Variants in SLC1A7 observed in about 807,000 individuals in gnomAD.
The protein encoded by SLC1A7 is solute carrier family 1 member 7.
SLC1A7 carries 40 observed loss-of-function variants against 47.7 expected under a neutral mutation model. That is an observed-to-expected ratio of 0.84 (90% CI 0.65 to 1.09). The LOEUF (loss-of-function observed/expected upper bound fraction) is 1.09, where lower values mean the gene tolerates loss of function less well. SLC1A7 is among the 50% of genes least tolerant of loss of function. The probability of loss-of-function intolerance (pLI) is 0.00; values close to 1 mark genes in which losing one functional copy is unlikely to be tolerated. For synonymous variants in SLC1A7, 323 were observed against 325.6 expected (o/e 0.99, Z 0.09); for missense variants, 746 against 769.5 (o/e 0.97, Z 0.36).
chr1:53,126,089 A>C (rs1369025466), intron 2 of SLC1A7, among the ~76,000 whole-genome samples: 1 of 152,236 alleles, frequency 6.6e-6, no homozygotes, highest in African/African-American at 2.4e-5. Flanking sequence ...TTTCCCTTCC[A>C]GCCTTGGAGT....
At chr1:53,115,090 C>A in intron 2 of SLC1A7, 117 bp from the exon 3 acceptor site, 1 of 742,574 alleles carries the variant, frequency 1.3e-6, no homozygotes, top group Non-Finnish European at 2.3e-6. Context: ...CCAGGGAACC[C>A]CATTCTTCCA....
intron 9 of SLC1A7, among the ~76,000 whole-genome samples, 180 bp from the exon 10 acceptor site, chr1:53,089,159 C>T (rs772622752): frequency 3.9e-5 from 6 of 152,236 alleles, no homozygotes; most frequent in Non-Finnish European, 7.3e-5. Context: ...AGCTTCTTGG[C>T]ATGCAGCTGT....
At chr1:53,123,681 T>A (rs1369375642) in intron 2 of SLC1A7, among the ~76,000 whole-genome samples, 1 of 152,078 alleles carries the variant, frequency 6.6e-6, no homozygotes, top group Admixed American at 6.5e-5. Context: ...GAAGGCCAAG[T>A]AGGAATTCTC....
At chr1:53,094,283 C>T (rs1644458865) in intron 5 of SLC1A7, among the ~76,000 whole-genome samples, 1 of 152,194 alleles carries the variant, frequency 6.6e-6, no homozygotes, top group Non-Finnish European at 1.5e-5. Context: ...CCTGGCGCCT[C>T]CCCCGGCATT....
At chr1:53,132,898 T>C (rs558844489) in intron 2 of SLC1A7, among the ~76,000 whole-genome samples, 3 of 152,182 alleles carry the variant, frequency 2.0e-5, no homozygotes, top group Non-Finnish European at 2.9e-5. Context: ...AGATGTCAAA[T>C]AGGCAGTTGG....
chr1:53,126,250 T>C (rs543201017), intron 2 of SLC1A7, among the ~76,000 whole-genome samples: 1 of 152,354 alleles, frequency 6.6e-6, no homozygotes, highest in East Asian at 1.9e-4. Context: ...GCACAGCGGC[T>C]GGTGGAGGCA....
chr1:53,122,500 T>C lies in SLC1A7; in HGVS notation c.216-7527A>G, dbSNP rs1324371902. On this transcript the variant is annotated intron_variant, in intron 2 of 10. Coordinates refer to ENST00000371494, the MANE Select transcript of SLC1A7 (RefSeq NM_006671.6). ...ATCATGGCTTACTCTTCTTTTCCCC[T>C]GAGCAGAAGGCAGGCCCAACAGCTG... is the stretch of plus-strand genomic sequence containing the variant. Among the ~76,000 whole-genome samples the C allele has an allele frequency of 2.0e-5, 3 of 152,286 alleles. No individual in the cohort carries two copies. In the East Asian group the frequency reaches 5.8e-4, roughly 29 times the overall value.
intron 2 of SLC1A7, among the ~76,000 whole-genome samples, chr1:53,126,823 G>A (rs1194921297): frequency 6.6e-6 from 1 of 151,776 alleles, no homozygotes; most frequent in Non-Finnish European, 1.5e-5. Context: ...TGAGAGGATG[G>A]TTTCTTCTCT....
At chr1:53,117,928 C>T (rs114552966) in intron 2 of SLC1A7, among the ~76,000 whole-genome samples, 1,959 of 152,346 alleles carry the variant, frequency 0.013, 16 homozygotes, top group Non-Finnish European at 0.021. Context: ...GGACCCAAGT[C>T]GTTCTGTGCT....
chr1:53,092,352 G>C (rs770518170), intron 7 of SLC1A7, among the ~76,000 whole-genome samples: 2 of 152,236 alleles, frequency 1.3e-5, no homozygotes, highest in African/African-American at 2.4e-5. Flanking sequence ...GACTGGGGCC[G>C]TGGGGGAAGG....
intron 4 of SLC1A7, among the ~76,000 whole-genome samples, chr1:53,105,358 C>T (rs1010883067): frequency 2.0e-5 from 3 of 152,138 alleles, no homozygotes; most frequent in African/African-American, 7.2e-5. Context: ...AGTGGTATAA[C>T]CTTGGGCAAA....
Position 53,142,597 on chromosome 1 carries a change from G to A in SLC1A7, c.-148C>T, listed in dbSNP as rs1645069924. The A allele has an allele frequency of 2.4e-5, 19 of 795,004 alleles. No homozygotes were observed. The South Asian group carries it at 3.5e-4, about 15-fold the overall frequency. 49.2% of individuals were successfully genotyped at this position (795,004 alleles called of 1,614,324 possible). On this transcript the variant is annotated 5_prime_UTR_variant, in exon 1 of 11. Transcript: ENST00000371494. ...CACCAGTCGCCAGCCCCACGGCCAT[G>A]CCCGTGTGGCCGCCTTAGAGGGAAG...
chr1:53,114,555 C>T (rs965682387), intron 3 of SLC1A7: 18 of 594,090 alleles, frequency 3.0e-5, no homozygotes, highest in Non-Finnish European at 4.8e-5. Context: ...GGGCAGACCC[C>T]GTCCAGGCTG....
chr1:53,114,974 C>T lies in SLC1A7; in HGVS notation c.216-1G>A. On this transcript the variant is annotated splice_acceptor_variant, in intron 2 of 10. Transcript: ENST00000371494. LOFTEE classifies it high-confidence loss of function. The stretch of plus-strand genomic sequence containing the variant: ...CAGGGAGGCAAGTCCGGACATCAAG[C>T]TGGGAGGGCGAGGGGGTCAGGGGCT... 1 of 1,613,196 alleles carries T rather than the reference C, an allele frequency of 6.2e-7. No homozygotes were observed. The highest frequency in any genetic ancestry group is 2.2e-5 in the East Asian group (1 of 44,852).
chr1:53,088,694 G>A (rs1394294655), intron 10 of SLC1A7, among the ~76,000 whole-genome samples, 183 bp downstream of exon 10: 1 of 152,170 alleles, frequency 6.6e-6, no homozygotes, highest in Non-Finnish European at 1.5e-5. Context: ...AGCCACAGCG[G>A]GTGCTCAATA....
chr1:53,113,938 C>A (rs762215116), intron 3 of SLC1A7, among the ~76,000 whole-genome samples: 1 of 152,162 alleles, frequency 6.6e-6, no homozygotes, highest in Non-Finnish European at 1.5e-5. Context: ...CCCTGCCTCC[C>A]CATCTTCCCC....
chr1:53,116,036 TAAA>T (rs1431624689), intron 2 of SLC1A7: 1 of 152,244 alleles, frequency 6.6e-6, no homozygotes, highest in Non-Finnish European at 1.5e-5. Flanking sequence ...TTCTTTCAGA[TAAA>T]GAAGTATTTG....
intron 1 of SLC1A7, among the ~76,000 whole-genome samples, chr1:53,137,183 A>G (rs1348697315): frequency 2.6e-5 from 4 of 151,794 alleles, no homozygotes; most frequent in South Asian, 2.1e-4. Context: ...GCTACTCAGG[A>G]GGCTGAAGCA....
At chr1:53,120,759 A>G (rs936641) in intron 2 of SLC1A7, among the ~76,000 whole-genome samples, 150,130 of 152,358 alleles carry the variant, frequency 0.99, 74,007 homozygotes, top group Middle Eastern at 1. Context: ...CTGACCCAGC[A>G]CCTGGCACAG....
Sources: gnomAD v4.1 joint callset for allele counts (sites outside exome capture counted in the v4.1 genomes callset) on GRCh38, gnomAD v4.1.1 for gene constraint, MANE v1.5 for transcripts, NCBI Gene and HGNC (gene_info 2026-07-23, HGNC 2026-07-21) for gene names.